MAGED1: variants seen among roughly 807,000 people sequenced by gnomAD.
The protein encoded by MAGED1 is melanoma-associated antigen D1.
MAGED1 carries 3 observed loss-of-function variants against 54.1 expected under a neutral mutation model. The observed-to-expected ratio is 0.06, with a 90% CI of 0.03 to 0.14. The LOEUF (loss-of-function observed/expected upper bound fraction) is 0.14, where lower values mean the gene tolerates loss of function less well. Among genes scored for constraint, MAGED1 ranks in the 10% least tolerant of loss-of-function variants. The pLI is 1.00. For synonymous variants in MAGED1, 217 were observed against 227.3 expected, an observed-to-expected ratio of 0.95 and a Z score of 0.41; for missense variants, 485 against 623.4, an observed-to-expected ratio of 0.78 and a Z score of 2.36.
chrX:51,831,395 T>C (rs1926061168), intron 1 of MAGED1, among the ~76,000 whole-genome samples: 1 of 111,655 alleles, frequency 9.0e-6, no homozygotes, highest in African/African-American at 3.2e-5. Flanking sequence ...GTGGATTACC[T>C]GAGCCCAGGA....
intron 1 of MAGED1, among the ~76,000 whole-genome samples, chrX:51,878,722 T>C (rs1350786526): frequency 9.0e-6 from 1 of 111,663 alleles, no homozygotes; most frequent in African/African-American, 3.2e-5. Context: ...AGCACTTTAC[T>C]AGGTATACTT....
Position 51,839,709 on chromosome X carries a change from C to T in MAGED1, c.-37+36592C>T, listed in dbSNP as rs782786597. On this transcript the variant is annotated intron_variant, in intron 1 of 12. Transcript: ENST00000375772. ...ATAGCTGCAAAGGGATACATGCCAT[C>T]TTGTATTATAAAACCAATTCCATGA... Among the ~76,000 whole-genome samples, 310 of 111,975 alleles carry T rather than the reference C, an allele frequency of 2.8e-3. 1 individual carries two copies. The highest frequency in any genetic ancestry group is 4.5e-3 in the Non-Finnish European group (241 of 53,199).
intron 1 of MAGED1, among the ~76,000 whole-genome samples, chrX:51,823,793 AT>A (rs782061882): frequency 1.7e-3 from 183 of 106,617 alleles, no homozygotes; most frequent in African/African-American, 5.7e-3. Context: ...ATATTTTGGT[AT>A]TTTTTTTTTA....
intron 1 of MAGED1, among the ~76,000 whole-genome samples, chrX:51,848,584 C>T (rs782667828): frequency 7.1e-5 from 8 of 112,024 alleles, no homozygotes; most frequent in Non-Finnish European, 1.3e-4. Flanking sequence ...TCCCCTCACC[C>T]ATAAAGCACA....
intron 1 of MAGED1, among the ~76,000 whole-genome samples, chrX:51,868,264 A>AGT (rs782797131): frequency 2.7e-5 from 3 of 110,597 alleles, no homozygotes; most frequent in Admixed American, 9.6e-5. Context: ...CAGGAAAGTA[A>AGT]GTGTGTGTGT....
chrX:51,894,084 G>A lies in MAGED1; in HGVS notation c.-36-185G>A, dbSNP rs782131933. Among the ~76,000 whole-genome samples, 22 of 110,154 alleles carry A rather than the reference G, an allele frequency of 2.0e-4. No individual in the cohort carries two copies. The East Asian group carries it at 4.9e-3, about 25-fold the overall frequency. The stretch of plus-strand genomic sequence containing the variant: ...CTTCCCGATCCCCATTTGAAGCTTC[G>A]CCCTGTCAGTAGCTTCTCGGGGTTC... On this transcript the variant is annotated intron_variant, in intron 1 of 12. Coordinates refer to ENST00000326587, the MANE Select transcript of MAGED1 (RefSeq NM_006986.4).
At chrX:51,824,483 A>T (rs937504895) in intron 1 of MAGED1, among the ~76,000 whole-genome samples, 1 of 109,889 alleles carries the variant, frequency 9.1e-6, no homozygotes, top group African/African-American at 3.3e-5. Context: ...TTTTATTATG[A>T]TGTGCCTATG....
intron 1 of MAGED1, among the ~76,000 whole-genome samples, chrX:51,886,101 AGT>A (rs1392856099): frequency 1.0e-4 from 8 of 77,412 alleles, no homozygotes; most frequent in African/African-American, 4.1e-4. Flanking sequence ...TAGAGAGTAG[AGT>A]GATGATTACC....
chrX:51,818,815 C>T (rs1426587128), intron 1 of MAGED1, among the ~76,000 whole-genome samples: 4 of 111,794 alleles, frequency 3.6e-5, no homozygotes, highest in African/African-American at 1.3e-4. Context: ...TCACAGATAC[C>T]CAAAATGTAA....
At chrX:51,852,349 T>C (rs1247954241) in intron 1 of MAGED1, among the ~76,000 whole-genome samples, 1 of 112,108 alleles carries the variant, frequency 8.9e-6, no homozygotes, top group Admixed American at 9.4e-5. Flanking sequence ...CCATTTGCCA[T>C]GTAAGGTAAC....
At chrX:51,872,567 G>C (rs186145682) in intron 1 of MAGED1, among the ~76,000 whole-genome samples, 2 of 111,761 alleles carry the variant, frequency 1.8e-5, no homozygotes, top group East Asian at 5.6e-4. Flanking sequence ...ATTTCTGTTT[G>C]AGTCTTTACA....
At position 51,896,872 on chromosome X, in the gene MAGED1, T is replaced by G; in HGVS notation, c.1217T>G (p.Leu406Arg). 2 of 1,204,453 alleles carry G rather than the reference T, an allele frequency of 1.7e-6. No individual in the cohort carries two copies. The highest frequency in any genetic ancestry group is 2.2e-6 in the Non-Finnish European group (2 of 892,019). Residue 406 changes from leucine to arginine, a missense_variant, in exon 4 of 13, where the codon CTA becomes CGA. Coordinates refer to ENST00000326587, the MANE Select transcript of MAGED1 (RefSeq NM_006986.4). Reference sequence around the variant, plus strand: ...TGGCAAGGTCCTCCTGACTGGCCGCTACCACCCGACTGGCCACTGCCACCT... The same window carrying G: ...TGGCAAGGTCCTCCTGACTGGCCGCGACCACCCGACTGGCCACTGCCACCT... ...PDWQGPPDWP[L>R]PPDWPLPPDW...
intron 1 of MAGED1, among the ~76,000 whole-genome samples, chrX:51,864,217 A>G (rs1557360927): frequency 9.3e-6 from 1 of 107,995 alleles, no homozygotes; most frequent in Non-Finnish European, 1.9e-5. Context: ...TGTGTGTGTA[A>G]GATAATGATC....
In MAGED1 at chrX:51,895,455, A is replaced by T; in HGVS notation, c.448A>T (p.Asn150Tyr). 1.7e-6 allele frequency: 2 copies of T among 1,208,702 alleles called. No homozygotes were observed. Among genetic ancestry groups the T allele is most frequent in the Non-Finnish European group, 2.2e-6 (2 of 893,850 alleles). ...GTCTGAGATGGCCTTCAAGGCCCAGAATGCCACTACTAAAGTGGGCCCAAA... is the reference window on the plus strand; with the variant it reads ...GTCTGAGATGGCCTTCAAGGCCCAGTATGCCACTACTAAAGTGGGCCCAAA... ...NKSEMAFKAQ[N>Y]ATTKVGPNAT... Residue 150 changes from asparagine (N) to tyrosine (Y), a missense_variant, in exon 3 of 13, where the codon AAT becomes TAT. Transcript: ENST00000326587.
intron 1 of MAGED1, among the ~76,000 whole-genome samples, chrX:51,822,257 T>C (rs925980657): frequency 8.9e-6 from 1 of 112,224 alleles, no homozygotes; most frequent in Non-Finnish European, 1.9e-5. Flanking sequence ...TATCTATTTC[T>C]TCCTAAGTCA....
chrX:51,807,931 C>A (rs1925089386), intron 1 of MAGED1, among the ~76,000 whole-genome samples: 1 of 111,610 alleles, frequency 9.0e-6, no homozygotes, highest in African/African-American at 3.3e-5. Context: ...TAGTCAATTT[C>A]TACAAACATT....
intron 1 of MAGED1, among the ~76,000 whole-genome samples, chrX:51,873,052 A>T (rs1346312377): frequency 6.6e-5 from 4 of 60,545 alleles, no homozygotes; most frequent in African/African-American, 8.6e-5. Flanking sequence ...TGTCAAAAAA[A>T]AAAAAATAAA....
In MAGED1 at chrX:51,900,356, A is replaced by C. The variant is rs1191150174; in HGVS notation, c.1959+60A>C. On this transcript the variant is annotated intron_variant, in intron 11 of 12. Transcript: ENST00000326587. ...AGGGATGAAGTATAGCTGGCTGGGAAAGGCCCAGGGTAGGAATGAGATCCT... is the reference window on the plus strand; with the variant it reads ...AGGGATGAAGTATAGCTGGCTGGGACAGGCCCAGGGTAGGAATGAGATCCT... 8.4e-6 allele frequency: 8 copies of C among 955,378 alleles called. No individual in the cohort carries two copies. In the African/African-American group the frequency reaches 1.5e-4, roughly 18 times the overall value. 78.7% of individuals were successfully genotyped at this position (955,378 alleles called of 1,213,427 possible).
Position 51,901,585 on chromosome X carries a change from A to G in MAGED1, c.1992A>G (p.Ala664=). 1 of 1,193,471 alleles carries G rather than the reference A, an allele frequency of 8.4e-7. No individual in the cohort carries two copies. Residue 664 remains alanine (A), a synonymous_variant, in exon 12 of 13, where the codon GCA becomes GCG. Transcript: ENST00000326587. ...VQKRDPRDWT[A]QFMEAADEAL... Reference sequence around the variant, plus strand: ...AAAGAGACCCTCGTGACTGGACTGCACAGTTCATGGAGGCTGCAGATGAGG... The same window carrying G: ...AAAGAGACCCTCGTGACTGGACTGCGCAGTTCATGGAGGCTGCAGATGAGG...
Sources: allele counts gnomAD v4.1 joint callset (sites outside exome capture counted in the v4.1 genomes callset), GRCh38; gene constraint gnomAD v4.1.1; transcripts MANE v1.5; gene names NCBI Gene and HGNC (gene_info 2026-07-23, HGNC 2026-07-21).